TYW1B: variants seen among roughly 807,000 people sequenced by gnomAD.
TYW1B encodes the protein tRNA-yW synthesizing protein 1 homolog B.
A neutral mutation model predicts 86.9 loss-of-function variants in TYW1B; 73 were observed. That is an observed-to-expected ratio of 0.84 (90% confidence interval 0.70 to 1.02). TYW1B has a LOEUF of 1.02. Among genes scored for constraint, TYW1B ranks in the 50% least tolerant of loss-of-function variants. The pLI is 0.00. For synonymous variants in TYW1B, 248 were observed against 292.8 expected (o/e 0.85, Z 1.56); for missense variants, 637 against 827.4 (o/e 0.77, Z 2.82).
intron 11 of TYW1B, among the ~76,000 whole-genome samples, chr7:72,629,808 G>A (rs1436783615): frequency 5.9e-5 from 9 of 152,032 alleles, no homozygotes; most frequent in African/African-American, 1.9e-4. Flanking sequence ...TGAGGCTTCC[G>A]AAGGGCTGGG....
At chr7:72,694,918 C>T in intron 10 of TYW1B, 96 bp from the exon 11 acceptor site, 2 of 1,382,564 alleles carry the variant, frequency 1.4e-6, no homozygotes, top group South Asian at 3.2e-5. Flanking sequence ...GTATTAAACA[C>T]TTCACAGGGT....
chr7:72,584,635 T>A lies in TYW1B; in HGVS notation c.1786-8916A>T, dbSNP rs11981292. Among the ~76,000 whole-genome samples the A allele has an allele frequency of 1.9e-3, 296 of 152,206 alleles. 1 individual carries two copies. Among genetic ancestry groups the A allele is most frequent in the African/African-American group, 6.8e-3 (284 of 41,544 alleles). On this transcript the variant is annotated intron_variant, in intron 13 of 13. Coordinates refer to ENST00000620995, the MANE Select transcript of TYW1B (RefSeq NM_001145440.3). ...CATGCCCAGCTAATTCTTGCATTTT[T>A]AGTAGAGATGGGGTTTCGCCACGTT... is the stretch of plus-strand genomic sequence containing the variant.
intron 7 of TYW1B, chr7:72,769,023 G>A (rs534868607): frequency 8.3e-5 from 28 of 337,826 alleles, no homozygotes; most frequent in East Asian, 5.6e-4. Context: ...GAGAAAGAAC[G>A]TATTAAAAGA....
chr7:72,650,150 G>A (rs1438489671), intron 11 of TYW1B, among the ~76,000 whole-genome samples: 7 of 149,712 alleles, frequency 4.7e-5, no homozygotes, highest in Non-Finnish European at 8.9e-5. Context: ...TCCTGAACTC[G>A]TGATCCACCC....
At chr7:72,769,573 C>A (rs1554469150) in intron 7 of TYW1B, among the ~76,000 whole-genome samples, 1 of 152,052 alleles carries the variant, frequency 6.6e-6, no homozygotes, top group African/African-American at 2.4e-5. Flanking sequence ...TGAACTGTAT[C>A]CAAATTAAAA....
chr7:72,712,715 A>G (rs1260353632), intron 10 of TYW1B, among the ~76,000 whole-genome samples: 1 of 152,132 alleles, frequency 6.6e-6, no homozygotes, highest in East Asian at 1.9e-4. Flanking sequence ...ATCATCTCCT[A>G]TCTAGGCTCC....
chr7:72,633,957 A>G (rs1227992589), intron 11 of TYW1B, among the ~76,000 whole-genome samples: 1 of 152,078 alleles, frequency 6.6e-6, no homozygotes, highest in Non-Finnish European at 1.5e-5. Context: ...TCTTTCAGTG[A>G]ATTCGATGTT....
rs530942797 is a variant in TYW1B, at chr7:72,634,146, C to T, written c.1507-5149G>A. Among the ~76,000 whole-genome samples, 6 of 152,026 alleles carry T rather than the reference C, an allele frequency of 3.9e-5. No homozygotes were observed. The South Asian group carries it at 1.0e-3, about 26-fold the overall frequency. ...GAAAATGCTGCTGCCATGAGTGCTA[C>T]TGTACTCATCTCTCTCTCCCTCTCC... On this transcript the variant is annotated intron_variant, in intron 11 of 13. Coordinates refer to ENST00000620995, the MANE Select transcript of TYW1B (RefSeq NM_001145440.3).
intron 10 of TYW1B, among the ~76,000 whole-genome samples, chr7:72,709,266 C>T (rs1337966365): frequency 6.6e-6 from 1 of 152,220 alleles, no homozygotes; most frequent in Non-Finnish European, 1.5e-5. Flanking sequence ...TCTACATATT[C>T]TGTCTTGTTC....
chr7:72,799,855 C>A (rs1198285201), intron 6 of TYW1B, among the ~76,000 whole-genome samples: 1 of 152,048 alleles, frequency 6.6e-6, no homozygotes, highest in Non-Finnish European at 1.5e-5. Context: ...TCCTGTTTTG[C>A]CTTTTGATTT....
chr7:72,762,573 T>C (rs1787702348), intron 7 of TYW1B, among the ~76,000 whole-genome samples: 1 of 152,224 alleles, frequency 6.6e-6, no homozygotes, highest in South Asian at 2.1e-4. Context: ...TTTCTTGATA[T>C]GTCTGAATTG....
chr7:72,787,531 T>A (rs1316641701), intron 6 of TYW1B, among the ~76,000 whole-genome samples: 5 of 150,380 alleles, frequency 3.3e-5, no homozygotes, highest in African/African-American at 7.3e-5. Flanking sequence ...CCAAGGCAGG[T>A]GGATCACAAG....
chr7:72,802,041 ATT>A (rs11422825), intron 6 of TYW1B, among the ~76,000 whole-genome samples: 3,187 of 147,144 alleles, frequency 0.022, 41 homozygotes, highest in South Asian at 0.034. Flanking sequence ...GTATTTTGCG[ATT>A]TTTTTTTTTT....
intron 10 of TYW1B, among the ~76,000 whole-genome samples, chr7:72,705,202 C>A (rs1554453425): frequency 6.6e-6 from 1 of 152,202 alleles, no homozygotes; most frequent in South Asian, 2.1e-4. Flanking sequence ...TACAAGAAAA[C>A]TGCATGTTTA....
intron 7 of TYW1B, among the ~76,000 whole-genome samples, chr7:72,761,815 G>A (rs1430839800): frequency 6.6e-6 from 1 of 151,708 alleles, no homozygotes; most frequent in Non-Finnish European, 1.5e-5. Flanking sequence ...AATCTCGTAT[G>A]ACACATTTTT....
At chr7:72,737,899 T>C (rs35163061) in intron 8 of TYW1B, among the ~76,000 whole-genome samples, 3 of 132,230 alleles carry the variant, frequency 2.3e-5, no homozygotes, top group Non-Finnish European at 3.2e-5. Flanking sequence ...CTCAGCCTCC[T>C]GAGTAGCTGG....
In TYW1B at chr7:72,574,727, C is replaced by T. The variant is rs1810979885; in HGVS notation, c.*771G>A. On this transcript the variant is annotated 3_prime_UTR_variant, in exon 14 of 14. Transcript: ENST00000620995. Reference sequence around the variant, plus strand: ...GTGATATGAGAGGCCCGGACAGTGACCTCACGAACAAAAAGAAATGATCCT... The same window carrying T: ...GTGATATGAGAGGCCCGGACAGTGATCTCACGAACAAAAAGAAATGATCCT... The T allele has an allele frequency of 2.0e-6, 2 of 985,376 alleles. No homozygotes were observed. The highest frequency in any genetic ancestry group is 5.2e-4 in the Middle Eastern group (1 of 1,914). The allele number at this position is 985,376 out of a possible 1,614,324, so 61.0% of individuals were successfully genotyped here. A position where few individuals can be genotyped will look rare whatever the true frequency, so the allele number is the denominator to read the frequency against.
At chr7:72,741,904 A>C (rs1434842670) in intron 8 of TYW1B, among the ~76,000 whole-genome samples, 2 of 152,182 alleles carry the variant, frequency 1.3e-5, no homozygotes, top group Non-Finnish European at 2.9e-5. Context: ...ATTCTTCAAA[A>C]CTGAAGGAGA....
In TYW1B at chr7:72,694,830, A is replaced by C; in HGVS notation, c.1371-8T>G. The C allele has an allele frequency of 7.6e-7, 1 of 1,319,760 alleles. No homozygotes were observed. The highest frequency in any genetic ancestry group is 1.5e-5 in the African/African-American group (1 of 65,810). 81.8% of individuals were successfully genotyped at this position (1,319,760 alleles called of 1,614,324 possible). A position where few individuals can be genotyped will look rare whatever the true frequency, so the allele number is the denominator to read the frequency against. ...GTAACTGGCTCGAGGTTCCTTAGTA[A>C]TTTTTTTTTTTAAAGGAAGAAAGAA... On this transcript the variant is annotated splice_polypyrimidine_tract_variant and splice_region_variant and intron_variant, in intron 10 of 13. Transcript: ENST00000620995.
Sources: gnomAD v4.1 joint callset for allele counts (sites outside exome capture counted in the v4.1 genomes callset) on GRCh38, gnomAD v4.1.1 for gene constraint, MANE v1.5 for transcripts, NCBI Gene and HGNC (gene_info 2026-07-23, HGNC 2026-07-21) for gene names.